The following PDGFC variants were observed in gnomAD, a reference collection of about 807,000 sequenced individuals.
PDGFC encodes platelet derived growth factor C.
A neutral mutation model predicts 35.5 loss-of-function variants in PDGFC; 12 were observed. The ratio of observed to expected loss-of-function variants is 0.34; its 90% CI spans 0.22 to 0.55. The LOEUF is 0.55. Ranked by LOEUF, PDGFC falls within the 20% of genes least tolerant of loss-of-function variation. The pLI, the probability that PDGFC is intolerant of heterozygous loss-of-function variation, is 0.91. For missense variants in PDGFC, 322 were observed against 412.4 expected (o/e 0.78, Z 1.90); for synonymous variants, 159 against 148.8 (o/e 1.07, Z -0.50).
intron 3 of PDGFC, among the ~76,000 whole-genome samples, chr4:156,798,048 C>T (rs997141789): frequency 6.6e-6 from 1 of 151,996 alleles, no homozygotes; most frequent in Non-Finnish European, 1.5e-5. Flanking sequence ...AAAAATTAGC[C>T]AGGCATGGTG....
At chr4:156,792,591 A>G (rs895963504) in intron 3 of PDGFC, among the ~76,000 whole-genome samples, 1 of 152,064 alleles carries the variant, frequency 6.6e-6, no homozygotes, top group African/African-American at 2.4e-5. Flanking sequence ...CACTATCTTC[A>G]GGCAGAAATG....
At chr4:156,780,107 G>GTTTTTTT (rs35403686) in intron 3 of PDGFC, among the ~76,000 whole-genome samples, 1 of 125,024 alleles carries the variant, frequency 8.0e-6, no homozygotes, top group Admixed American at 8.1e-5. Flanking sequence ...CAAAATTAAG[G>GTTTTTTT]TTTTTTTTTT....
chr4:156,763,019 G>A lies in PDGFC; in HGVS notation c.*71C>T, dbSNP rs1730418721. Reference sequence around the variant, plus strand: ...AACTGAGATTAAGGATGGAGATAACGCATACGTTCTCTAATAGAATCAGCC... The same window carrying A: ...AACTGAGATTAAGGATGGAGATAACACATACGTTCTCTAATAGAATCAGCC... On this transcript the variant is annotated 3_prime_UTR_variant, in exon 6 of 6. Transcript: ENST00000502773. 1.7e-5 allele frequency: 13 copies of A among 785,530 alleles called. No homozygotes were observed. The highest frequency in any genetic ancestry group is 3.4e-5 in the African/African-American group (2 of 59,384). 48.7% of individuals were successfully genotyped at this position (785,530 alleles called of 1,614,324 possible). A position where few individuals can be genotyped will look rare whatever the true frequency, so the allele number is the denominator to read the frequency against.
rs1291663630 is a variant in PDGFC, at chr4:156,761,791, C to T, written c.*1299G>A. The stretch of plus-strand genomic sequence containing the variant: ...ACTGGTTAAGAGACATACTTCTGTA[C>T]ATAAAAATATCCATGTATTTATACA... On this transcript the variant is annotated 3_prime_UTR_variant, in exon 6 of 6. Transcript: ENST00000502773. 9 of 152,698 alleles carry T rather than the reference C, an allele frequency of 5.9e-5. No individual in the cohort carries two copies. Among genetic ancestry groups the T allele is most frequent in the Non-Finnish European group, 1.5e-5 (1 of 68,012 alleles). The allele number at this position is 152,698 out of a possible 1,614,324, so 9.5% of individuals were successfully genotyped here.
chr4:156,766,516 T>C (rs575207844), intron 5 of PDGFC, among the ~76,000 whole-genome samples: 2 of 152,252 alleles, frequency 1.3e-5, no homozygotes, highest in Admixed American at 1.3e-4. Context: ...CAGGAAACCA[T>C]CCTTCTTGAA....
At chr4:156,833,463 G>C (rs1488770143) in intron 2 of PDGFC, among the ~76,000 whole-genome samples, 1 of 152,162 alleles carries the variant, frequency 6.6e-6, no homozygotes, top group Non-Finnish European at 1.5e-5. Context: ...ATGCCTGTTT[G>C]CAAACAGTTT....
intron 1 of PDGFC, among the ~76,000 whole-genome samples, chr4:156,915,180 T>C (rs1490065558): frequency 6.6e-6 from 1 of 152,206 alleles, no homozygotes; most frequent in Non-Finnish European, 1.5e-5. Context: ...CAAAACTTTA[T>C]AAATCTAAAC....
At chr4:156,919,334 TAA>T (rs1347220672) in intron 1 of PDGFC, among the ~76,000 whole-genome samples, 4 of 152,158 alleles carry the variant, frequency 2.6e-5, no homozygotes, top group African/African-American at 7.2e-5. Context: ...TTCATAATCT[TAA>T]TCTGAGTAGA....
chr4:156,959,030 T>C (rs1732276975), intron 1 of PDGFC, among the ~76,000 whole-genome samples: 1 of 152,038 alleles, frequency 6.6e-6, no homozygotes, highest in African/African-American at 2.4e-5. Context: ...TTACAATTAG[T>C]TTAGACATGT....
intron 2 of PDGFC, among the ~76,000 whole-genome samples, chr4:156,822,702 G>A (rs1411453135): frequency 6.6e-6 from 1 of 152,040 alleles, no homozygotes; most frequent in East Asian, 1.9e-4. Context: ...TATAGGTAAG[G>A]GTAATAGACC....
At chr4:156,896,094 A>G (rs1052642720) in intron 1 of PDGFC, among the ~76,000 whole-genome samples, 20 of 152,232 alleles carry the variant, frequency 1.3e-4, no homozygotes, top group African/African-American at 4.8e-4. Flanking sequence ...CTGGTTAATT[A>G]AATATTAATT....
intron 1 of PDGFC, among the ~76,000 whole-genome samples, chr4:156,949,613 G>A (rs937101581): frequency 1.3e-5 from 2 of 151,920 alleles, no homozygotes; most frequent in African/African-American, 4.8e-5. Context: ...CAGAAGGGAG[G>A]AGAATTGTTT....
chr4:156,951,657 A>C (rs2110939414), intron 1 of PDGFC, among the ~76,000 whole-genome samples: 1 of 151,458 alleles, frequency 6.6e-6, no homozygotes, highest in Non-Finnish European at 1.5e-5. Flanking sequence ...TAATTTTGTG[A>C]TACTATTCTG....
At chr4:156,949,345 A>T (rs1468491480) in intron 1 of PDGFC, among the ~76,000 whole-genome samples, 1 of 151,888 alleles carries the variant, frequency 6.6e-6, no homozygotes, top group African/African-American at 2.4e-5. Context: ...AATGGGGAAA[A>T]AGTCTAATGT....
rs1417330098 is a variant in PDGFC at position 156,762,655 on chromosome 4, A to G, written c.*435T>C. ...AAAAAAAAAAAAATCCAGATTTTAT[A>G]CGATTTTAGGCCCAGGACATGGAGC... On this transcript the variant is annotated 3_prime_UTR_variant, in exon 6 of 6. Coordinates refer to ENST00000502773, the MANE Select transcript of PDGFC (RefSeq NM_016205.3). The G allele has an allele frequency of 6.5e-6, 1 of 153,060 alleles. No individual in the cohort carries two copies. The highest frequency in any genetic ancestry group is 1.9e-4 in the East Asian group (1 of 5,204). The allele number at this position is 153,060 out of a possible 1,614,324, so 9.5% of individuals were successfully genotyped here. A position where few individuals can be genotyped will look rare whatever the true frequency, so the allele number is the denominator to read the frequency against.
intron 1 of PDGFC, among the ~76,000 whole-genome samples, chr4:156,969,582 T>G (rs1413267046): frequency 6.6e-6 from 1 of 152,210 alleles, no homozygotes; most frequent in Non-Finnish European, 1.5e-5. Context: ...TTCATAGAGT[T>G]TAAATTCAAA....
intron 1 of PDGFC, among the ~76,000 whole-genome samples, chr4:156,961,227 C>T (rs1227697079): frequency 6.6e-6 from 1 of 151,918 alleles, no homozygotes; most frequent in Non-Finnish European, 1.5e-5. Context: ...ATTTATTCCC[C>T]AGCAGAAAAA....
intron 1 of PDGFC, among the ~76,000 whole-genome samples, chr4:156,968,703 CT>C (rs1732521772): frequency 6.6e-6 from 1 of 152,126 alleles, no homozygotes; most frequent in Non-Finnish European, 1.5e-5. Context: ...AGTGCCACTT[CT>C]CCTTGGGCTA....
chr4:156,925,755 AAGAG>A (rs994362926), intron 1 of PDGFC, among the ~76,000 whole-genome samples: 1 of 151,098 alleles, frequency 6.6e-6, no homozygotes, highest in African/African-American at 2.4e-5. Context: ...AAAAAAAAAA[AAGAG>A]AGAGACGGGG....
Sources: allele counts gnomAD v4.1 joint callset (sites outside exome capture counted in the v4.1 genomes callset), GRCh38; gene constraint gnomAD v4.1.1; transcripts MANE v1.5; gene names NCBI Gene and HGNC (gene_info 2026-07-23, HGNC 2026-07-21).